Variants in SLC8A1 observed in about 807,000 individuals in gnomAD.
SLC8A1 encodes the protein solute carrier family 8 member A1, also known as sodium/calcium exchanger 1.
A neutral mutation model predicts 68.3 loss-of-function variants in SLC8A1; 18 were observed. The ratio of observed to expected loss-of-function variants is 0.26; its 90% CI spans 0.18 to 0.39. The LOEUF (loss-of-function observed/expected upper bound fraction) is 0.39. Among genes scored for constraint, SLC8A1 ranks in the 10% least tolerant of loss-of-function variants. The pLI, the probability that SLC8A1 is intolerant of heterozygous loss-of-function variation, is 1.00. For missense variants in SLC8A1, 985 were observed against 1,156.7 expected, an observed-to-expected ratio of 0.85 and a Z score of 2.15; for synonymous variants, 475 against 415.5, an observed-to-expected ratio of 1.14 and a Z score of -1.74.
At chr2:40,149,678 A>G (rs1343227643) in intron 6 of SLC8A1, among the ~76,000 whole-genome samples, 6 of 152,204 alleles carry the variant, frequency 3.9e-5, no homozygotes, top group African/African-American at 9.6e-5. Context: ...CCCAACTTCA[A>G]TTTCTCCATT....
At chr2:40,151,470 G>A (rs537747812) in intron 6 of SLC8A1, among the ~76,000 whole-genome samples, 3 of 152,256 alleles carry the variant, frequency 2.0e-5, no homozygotes, top group East Asian at 3.9e-4. Context: ...GAGAAATAGC[G>A]ATGAACAGGG....
chr2:40,206,952 T>A (rs937084870), intron 2 of SLC8A1, among the ~76,000 whole-genome samples: 1 of 152,080 alleles, frequency 6.6e-6, no homozygotes, highest in African/African-American at 2.4e-5. Flanking sequence ...TGATTCTGAA[T>A]ACAGAAAAGC....
chr2:40,267,803 G>A (rs34779218), intron 2 of SLC8A1, among the ~76,000 whole-genome samples: 19,096 of 152,158 alleles, frequency 0.13, 1,517 homozygotes, highest in Admixed American at 0.27. Flanking sequence ...GCTTCAGTGA[G>A]TTTCAGGTGT....
intron 2 of SLC8A1, among the ~76,000 whole-genome samples, chr2:40,279,150 C>A (rs2067168751): frequency 6.6e-6 from 1 of 152,184 alleles, no homozygotes; most frequent in South Asian, 2.1e-4. Context: ...CAGCTGTTGT[C>A]TCTTTGTGCC....
intron 2 of SLC8A1, among the ~76,000 whole-genome samples, chr2:40,283,019 C>G (rs1203736599): frequency 6.6e-6 from 1 of 152,060 alleles, no homozygotes; most frequent in African/African-American, 2.4e-5. Context: ...ACAACTTATT[C>G]TCAAAAAAGC....
intron 1 of SLC8A1, among the ~76,000 whole-genome samples, chr2:40,432,820 C>G (rs1698626059): frequency 6.6e-6 from 1 of 151,966 alleles, no homozygotes; most frequent in Non-Finnish European, 1.5e-5. Context: ...GCAGAAAAGA[C>G]TGAAGGGGCA....
intron 2 of SLC8A1, among the ~76,000 whole-genome samples, chr2:40,383,302 G>T (rs1559468814): frequency 6.6e-6 from 1 of 151,976 alleles, no homozygotes; most frequent in Non-Finnish European, 1.5e-5. Context: ...GAACAAATTT[G>T]ATATATGTTT....
rs189314221 is a variant in SLC8A1 at position 40,442,615 on chromosome 2, T to G, written c.-25+9289A>C. 1.4e-3 allele frequency among the ~76,000 whole-genome samples: 217 copies of G among 152,156 alleles called. 1 individual carries two copies. Among genetic ancestry groups the G allele is most frequent in the Non-Finnish European group, 1.5e-3 (100 of 67,976 alleles). ...AAAGTCAGGAAACAATAGATGCTGG[T>G]GAGGCTGTGGACAAACAGAAATGCT... On this transcript the variant is annotated intron_variant, in intron 1 of 7. Transcript: ENST00000406785.
At chr2:40,450,843 C>T (rs1286169342) in intron 1 of SLC8A1, among the ~76,000 whole-genome samples, 1 of 152,210 alleles carries the variant, frequency 6.6e-6, no homozygotes, top group Non-Finnish European at 1.5e-5. Flanking sequence ...ACATTGCTCT[C>T]TTCTAAAAAT....
At chr2:40,420,466 A>T in intron 2 of SLC8A1, among the ~76,000 whole-genome samples, 1 of 152,192 alleles carries the variant, frequency 6.6e-6, no homozygotes, top group East Asian at 1.9e-4. Context: ...CAAAGCAGGC[A>T]ATGACAGAAA....
chr2:40,227,740 G>A (rs759105222), intron 2 of SLC8A1, among the ~76,000 whole-genome samples: 1 of 151,976 alleles, frequency 6.6e-6, no homozygotes, highest in African/African-American at 2.4e-5. Flanking sequence ...CCTTGATGAG[G>A]TTCTTTGGAA....
chr2:40,366,989 G>T (rs1454312687), intron 2 of SLC8A1, among the ~76,000 whole-genome samples: 1 of 151,952 alleles, frequency 6.6e-6, no homozygotes, highest in Non-Finnish European at 1.5e-5. Context: ...TTCCACCTGA[G>T]ATTAACCTTC....
chr2:40,346,708 C>A (rs1032761302), intron 2 of SLC8A1, among the ~76,000 whole-genome samples: 1 of 152,086 alleles, frequency 6.6e-6, no homozygotes, highest in Admixed American at 6.6e-5. Context: ...AGAAGAATGA[C>A]CTCTATGGCT....
chr2:40,126,839 C>T (rs188870006), intron 7 of SLC8A1, among the ~76,000 whole-genome samples: 16 of 152,256 alleles, frequency 1.1e-4, no homozygotes, highest in East Asian at 1.9e-4. Context: ...TCTTACTCCA[C>T]GGGAGTAGAC....
intron 2 of SLC8A1, among the ~76,000 whole-genome samples, chr2:40,191,719 G>A (rs1332625253): frequency 1.3e-5 from 2 of 152,154 alleles, no homozygotes; most frequent in African/African-American, 4.8e-5. Context: ...TACATTTAAT[G>A]TGCCCATTGA....
intron 2 of SLC8A1, among the ~76,000 whole-genome samples, chr2:40,349,712 T>C (rs949136912): frequency 6.6e-6 from 1 of 152,178 alleles, no homozygotes; most frequent in Admixed American, 6.6e-5. Context: ...CTTAAGATGG[T>C]ACTATCTGCA....
At position 40,243,424 on chromosome 2, in the gene SLC8A1, T is replaced by C. The variant is rs1489074700; in HGVS notation, c.1809-65569A>G. On this transcript the variant is annotated intron_variant, in intron 2 of 7. Transcript: ENST00000406785. ...ACTTGAGCCTAGGAGGTAGATGTTATAGTGACCAAGATCACCCCACTGTAC... is the reference window on the plus strand; with the variant it reads ...ACTTGAGCCTAGGAGGTAGATGTTACAGTGACCAAGATCACCCCACTGTAC... 3.3e-5 allele frequency among the ~76,000 whole-genome samples: 5 copies of C among 152,244 alleles called. No individual in the cohort carries two copies. In the East Asian group the frequency reaches 7.7e-4, roughly 23 times the overall value.
intron 2 of SLC8A1, among the ~76,000 whole-genome samples, chr2:40,401,659 AG>A (rs200048916): frequency 0.013 from 1,798 of 139,452 alleles, 31 homozygotes; most frequent in African/African-American, 0.046. Flanking sequence ...AAAAAAAAAA[AG>A]TTCCCCAAAG....
chr2:40,259,579 G>A (rs934368841), intron 2 of SLC8A1, among the ~76,000 whole-genome samples: 2 of 152,026 alleles, frequency 1.3e-5, no homozygotes, highest in South Asian at 2.1e-4. Context: ...TCTTGGGCTC[G>A]AATAATCCTC....
Sources: allele counts gnomAD v4.1 joint callset (sites outside exome capture counted in the v4.1 genomes callset), GRCh38; gene constraint gnomAD v4.1.1; transcripts MANE v1.5; gene names NCBI Gene and HGNC (gene_info 2026-07-23, HGNC 2026-07-21).